ARHGEF11: variants seen among roughly 807,000 people sequenced by gnomAD.
ARHGEF11 encodes Rho guanine nucleotide exchange factor 11.
In ARHGEF11, 55 loss-of-function variants were observed where a neutral mutation model predicts 193.7. The ratio of observed to expected loss-of-function variants is 0.28; its 90% confidence interval spans 0.23 to 0.36. The LOEUF is 0.36. ARHGEF11 is among the 10% of genes least tolerant of loss of function. The probability of loss-of-function intolerance (pLI) is 1.00; values close to 1 mark genes in which losing one functional copy is unlikely to be tolerated. For missense variants in ARHGEF11, 1,723 were observed against 2,005.6 expected, an observed-to-expected ratio of 0.86 and a Z score of 2.69; for synonymous variants, 693 against 768.0, an observed-to-expected ratio of 0.90 and a Z score of 1.62.
intron 17 of ARHGEF11, 76 bp downstream of exon 17, chr1:156,958,666 T>C: frequency 1.9e-6 from 3 of 1,589,452 alleles, no homozygotes; most frequent in East Asian, 2.2e-5. Context: ...GGGGGAGAGG[T>C]TGAAAGAACA....
At chr1:157,017,918 T>C (rs1367277638) in intron 1 of ARHGEF11, among the ~76,000 whole-genome samples, 1 of 152,080 alleles carries the variant, frequency 6.6e-6, no homozygotes, top group African/African-American at 2.4e-5. Context: ...ACAACATGAC[T>C]TAGAATCAAG....
intron 1 of ARHGEF11, among the ~76,000 whole-genome samples, chr1:157,005,147 A>G (rs182493524): frequency 3.0e-4 from 46 of 152,352 alleles, no homozygotes; most frequent in African/African-American, 1.1e-3. Context: ...CACACTTTGT[A>G]TAGTACTTCC....
At chr1:156,953,037 A>C (rs766351208) in intron 21 of ARHGEF11, among the ~76,000 whole-genome samples, 27 of 152,254 alleles carry the variant, frequency 1.8e-4, no homozygotes, top group Non-Finnish European at 3.4e-4. Context: ...AATGTTCTAG[A>C]TAGAGTTATA....
chr1:157,038,119 T>C (rs1346659074), intron 1 of ARHGEF11, among the ~76,000 whole-genome samples: 1 of 150,334 alleles, frequency 6.7e-6, no homozygotes, highest in African/African-American at 2.4e-5. Context: ...CTGAGCCATC[T>C]GATAAATATT....
chr1:157,023,231 CAT>C (rs1341993470), intron 1 of ARHGEF11, among the ~76,000 whole-genome samples: 1 of 152,154 alleles, frequency 6.6e-6, no homozygotes, highest in Non-Finnish European at 1.5e-5. Context: ...ATTTGCCAAT[CAT>C]ATGTCTCTGA....
At chr1:156,953,696 A>AT (rs1659466545) in intron 21 of ARHGEF11, among the ~76,000 whole-genome samples, 1 of 152,124 alleles carries the variant, frequency 6.6e-6, no homozygotes, top group Non-Finnish European at 1.5e-5. Context: ...CTCTCTATAT[A>AT]TATTTATTGT....
chr1:156,991,476 C>T lies in ARHGEF11; in HGVS notation c.33-5303G>A, dbSNP rs145980194. Among the ~76,000 whole-genome samples the T allele has an allele frequency of 6.4e-3, 969 of 151,944 alleles. 10 individuals carry two copies. The highest frequency in any genetic ancestry group is 0.021 in the African/African-American group (890 of 41,434). On this transcript the variant is annotated intron_variant, in intron 1 of 40. Transcript: ENST00000368194. ...CTGGGATTACAGGCACACACCACCA[C>T]GCCTGGCTAATTTTCGTATTTTTTA...
At chr1:156,949,473 G>A (rs192589204) in intron 22 of ARHGEF11, among the ~76,000 whole-genome samples, 2 of 152,284 alleles carry the variant, frequency 1.3e-5, no homozygotes, top group East Asian at 1.9e-4. Context: ...AGCACAGCAG[G>A]TTGCTGCAAT....
intron 1 of ARHGEF11, among the ~76,000 whole-genome samples, chr1:157,026,148 C>T (rs1670606771): frequency 6.6e-6 from 1 of 152,206 alleles, no homozygotes; most frequent in Non-Finnish European, 1.5e-5. Context: ...CAGATACCAG[C>T]AGAGTCAGAG....
In ARHGEF11 at chr1:156,956,564, G is replaced by A. The variant is rs199777335; in HGVS notation, c.1527C>T (p.Ser509=). Residue 509 remains serine, a splice_region_variant and synonymous_variant, in exon 19 of 41, where the codon AGC becomes AGT. Transcript: ENST00000368194. The part of the protein sequence containing the change: ...DILSKYEEDR[S]APMDFALNTY... ...TATTGAGGGCGAAGTCCATGGGGGC[G>A]CTGTAAAAGAGGAACAGTGTCCTGA... The A allele has an allele frequency of 1.3e-4, 213 of 1,613,942 alleles. No homozygotes were observed. Among genetic ancestry groups the A allele is most frequent in the Middle Eastern group, 6.6e-4 (4 of 6,084 alleles).
intron 1 of ARHGEF11, among the ~76,000 whole-genome samples, chr1:156,987,948 A>G (rs1479018053): frequency 1.3e-5 from 2 of 152,224 alleles, no homozygotes; most frequent in Admixed American, 1.3e-4. Context: ...GAGCTTACTA[A>G]CAGCCATCAG....
intron 1 of ARHGEF11, among the ~76,000 whole-genome samples, chr1:157,014,469 G>A (rs960887032): frequency 6.6e-6 from 1 of 151,838 alleles, no homozygotes; most frequent in Non-Finnish European, 1.5e-5. Flanking sequence ...GTGTAGTGGT[G>A]CCACTGTAGC....
intron 22 of ARHGEF11, among the ~76,000 whole-genome samples, chr1:156,950,024 A>G (rs1658834751): frequency 6.6e-6 from 1 of 152,238 alleles, no homozygotes; most frequent in Non-Finnish European, 1.5e-5. Context: ...AGCAATGCCA[A>G]GAATGCAACT....
At chr1:156,943,751 T>C (rs1477881918) in intron 32 of ARHGEF11, among the ~76,000 whole-genome samples, 184 bp downstream of exon 32, 1 of 152,172 alleles carries the variant, frequency 6.6e-6, no homozygotes, top group Non-Finnish European at 1.5e-5. Context: ...TTGGTCCCCA[T>C]CCTAACCCTC....
Position 157,045,622 on chromosome 1 carries a change from C to A in ARHGEF11, c.-1292G>T, listed in dbSNP as rs563856012. Among the ~76,000 whole-genome samples, 136 of 151,364 alleles carry A rather than the reference C, an allele frequency of 9.0e-4. No homozygotes were observed. Among genetic ancestry groups the A allele is most frequent in the African/African-American group, 3.2e-3 (134 of 41,422 alleles). On this transcript the variant is annotated 5_prime_UTR_variant, in exon 1 of 41. Transcript: ENST00000368194. ...GCCCGGCCGGGCCTCGGGCTCCCGG[C>A]GCCGCTCGCCCCGCGCCCGACCGCC...
In ARHGEF11 at chr1:156,967,995, C is replaced by T. The variant is rs183580857; in HGVS notation, c.955G>A (p.Gly319Ser). The T allele has an allele frequency of 1.9e-5, 31 of 1,614,148 alleles. No individual in the cohort carries two copies. Among genetic ancestry groups the T allele is most frequent in the East Asian group, 1.8e-4 (8 of 44,884 alleles). Residue 319 changes from glycine (G) to serine (S), a missense_variant, in exon 11 of 41, where the codon GGT (glycine) becomes AGT (serine). Physicochemically the swap from Gly to Ser is moderately conservative, Grantham distance 56 (BLOSUM62 0). This residue lies in a region of ARHGEF11 where 646 missense variants were observed against 710.7 expected (regional missense o/e 0.91). Coordinates refer to ENST00000368194, the MANE Select transcript of ARHGEF11 (RefSeq NM_198236.3). ...QGSDAAVPST[G>S]DQGVDQSPKP... The stretch of plus-strand genomic sequence containing the variant: ...GGCTCCAGATCACTCACCTGGTCAC[C>T]GGTTGAGGGGACTGCTGCATCCGAG...
At chr1:156,972,347 C>A (rs1369502938) in intron 7 of ARHGEF11, among the ~76,000 whole-genome samples, 1 of 152,202 alleles carries the variant, frequency 6.6e-6, no homozygotes, top group African/African-American at 2.4e-5. Flanking sequence ...GGACACCTGG[C>A]TTTGACTTCT....
Position 156,947,341 on chromosome 1 carries a change from C to T in ARHGEF11, c.2451G>A (p.Arg817=). ...ENLMPREELA[R]LFPNLPELIE... is the part of the protein sequence containing the mutation. Reference sequence around the variant, plus strand: ...TGAGTTCAGGCAGGTTCGGGAAGAGCCGGGCCAGCTCCTCCCGGGGCATCA... The same window carrying T: ...TGAGTTCAGGCAGGTTCGGGAAGAGTCGGGCCAGCTCCTCCCGGGGCATCA... Residue 817 remains arginine, a synonymous_variant, in exon 26 of 41, where the codon CGG becomes CGA. Transcript: ENST00000368194. The T allele has an allele frequency of 2.5e-6, 4 of 1,613,524 alleles. No homozygotes were observed. Among genetic ancestry groups the T allele is most frequent in the Non-Finnish European group, 3.4e-6 (4 of 1,179,808 alleles).
chr1:156,958,076 C>T (rs1660231406), intron 17 of ARHGEF11, among the ~76,000 whole-genome samples: 1 of 152,198 alleles, frequency 6.6e-6, no homozygotes, highest in African/African-American at 2.4e-5. Context: ...AAGTGCCTGG[C>T]TGTGCCTATG....
Sources: allele counts gnomAD v4.1 joint callset (sites outside exome capture counted in the v4.1 genomes callset), GRCh38; gene constraint gnomAD v4.1.1; regional missense constraint gnomAD v4.1.1; transcripts MANE v1.5; gene names NCBI Gene and HGNC (gene_info 2026-07-23, HGNC 2026-07-21).